DMD: variants seen among roughly 807,000 people sequenced by gnomAD.
DMD encodes dystrophin.
Under a neutral mutation model 330.1 loss-of-function variants are expected in DMD, and 63 were observed. The observed-to-expected ratio is 0.19, with a 90% CI of 0.16 to 0.24. The LOEUF is 0.24. Ranked by LOEUF, DMD falls within the 10% of genes least tolerant of loss-of-function variation. The pLI is 1.00. For missense variants in DMD, 3,344 were observed against 2,684.1 expected (o/e 1.25, Z -5.43); for synonymous variants, 1,223 against 959.8 (o/e 1.27, Z -5.07).
chrX:31,602,057 G>A (rs192404617), intron 55 of DMD, among the ~76,000 whole-genome samples: 2 of 111,460 alleles, frequency 1.8e-5, no homozygotes, highest in Admixed American at 1.9e-4. Context: ...CCTTAGATGA[G>A]GTTTACACAT....
At chrX:33,228,577 C>G (rs1304081327) in intron 1 of DMD, among the ~76,000 whole-genome samples, 2 of 109,444 alleles carry the variant, frequency 1.8e-5, no homozygotes, top group Admixed American at 2.0e-4. Flanking sequence ...GGTTGGTTAG[C>G]AAAAATATAA....
intron 48 of DMD, among the ~76,000 whole-genome samples, chrX:31,840,549 C>CTTTTT (rs1207207240): frequency 6.5e-5 from 5 of 76,360 alleles, no homozygotes; most frequent in East Asian, 4.3e-4. Flanking sequence ...GCAGATACTG[C>CTTTTT]TTTTTTTTTT....
chrX:32,043,205 A>T (rs977951877), intron 44 of DMD, among the ~76,000 whole-genome samples: 2 of 111,374 alleles, frequency 1.8e-5, no homozygotes, highest in Admixed American at 1.9e-4. Context: ...CATTGAAAGA[A>T]AAAACTTAAA....
intron 2 of DMD, among the ~76,000 whole-genome samples, chrX:32,981,850 A>G (rs1465087150): frequency 1.8e-5 from 2 of 111,555 alleles, no homozygotes; most frequent in Non-Finnish European, 3.8e-5. Flanking sequence ...TGCTGGAAAT[A>G]AAAAATAAAG....
intron 34 of DMD, among the ~76,000 whole-genome samples, chrX:32,368,211 A>G (rs73462093): frequency 0.027 from 2,969 of 111,984 alleles, 49 homozygotes; most frequent in South Asian, 0.077. Context: ...TCACTGCCAG[A>G]GATGAGGAAT....
chrX:32,498,784 CAT>C (rs1358750490), intron 19 of DMD, among the ~76,000 whole-genome samples: 8 of 111,755 alleles, frequency 7.2e-5, no homozygotes, highest in African/African-American at 2.6e-4. Context: ...AAAAACTGTA[CAT>C]ATGTTACTAG....
chrX:32,061,794 G>A (rs374827439), intron 44 of DMD, among the ~76,000 whole-genome samples: 8 of 111,153 alleles, frequency 7.2e-5, no homozygotes, highest in East Asian at 2.9e-4. Flanking sequence ...GCAACACCAC[G>A]AAAGATTGTT....
At chrX:32,149,324 A>G (rs758900383) in intron 44 of DMD, among the ~76,000 whole-genome samples, 12 of 112,021 alleles carry the variant, frequency 1.1e-4, no homozygotes, top group African/African-American at 3.9e-4. Flanking sequence ...TTATGCACCG[A>G]AAATGAAACA....
chrX:31,310,225 A>ATATGTG (rs1556481824), intron 62 of DMD, among the ~76,000 whole-genome samples: 2 of 89,305 alleles, frequency 2.2e-5, no homozygotes, highest in African/African-American at 9.4e-5. Flanking sequence ...ATATATATAT[A>ATATGTG]TGTGTGTGTG....
At chrX:32,662,302 T>A (rs1251435754) in intron 9 of DMD, among the ~76,000 whole-genome samples, 1 of 111,433 alleles carries the variant, frequency 9.0e-6, no homozygotes, top group East Asian at 2.8e-4. Context: ...TTCAAAAACC[T>A]TAACATAAAG....
chrX:31,886,669 G>A (rs1248357824), intron 47 of DMD, among the ~76,000 whole-genome samples: 1 of 111,660 alleles, frequency 9.0e-6, no homozygotes, highest in Non-Finnish European at 1.9e-5. Flanking sequence ...CAGAAATTGT[G>A]TGGTGAATTG....
chrX:33,278,971 TG>T (rs955990273), intron 1 of DMD, among the ~76,000 whole-genome samples: 3 of 111,399 alleles, frequency 2.7e-5, no homozygotes, highest in African/African-American at 9.8e-5. Flanking sequence ...ACAGTAATAA[TG>T]GGGGACTTCA....
At position 32,069,368 on chromosome X, in the gene DMD, GTAA is replaced by G. The variant is rs1276795029; in HGVS notation, c.6439-100857_6439-100855del. ...AGGAAGAATGTCAGATTTTTAAAAG[GTAA>G]TAATAATTATTTTATAGGTAAAAAT... is the stretch of plus-strand genomic sequence containing the variant. On this transcript the variant is annotated intron_variant, in intron 44 of 78. Coordinates refer to ENST00000357033, the MANE Select transcript of DMD (RefSeq NM_004006.3). 3.6e-5 allele frequency among the ~76,000 whole-genome samples: 4 copies of G among 111,117 alleles called. No homozygotes were observed. In the East Asian group the frequency reaches 8.5e-4, roughly 24 times the overall value.
intron 19 of DMD, among the ~76,000 whole-genome samples, chrX:32,492,254 C>T (rs766261480): frequency 2.8e-4 from 31 of 111,937 alleles, no homozygotes; most frequent in Non-Finnish European, 4.0e-4. Context: ...AGGAGAATGG[C>T]GTGAACCCGG....
At chrX:32,866,796 T>A (rs12687512) in intron 2 of DMD, among the ~76,000 whole-genome samples, 1 of 100,647 alleles carries the variant, frequency 9.9e-6, no homozygotes, top group Admixed American at 1.1e-4. Flanking sequence ...CGCAGTGGTG[T>A]GGTCTCAGCT....
chrX:33,080,531 G>T (rs2094911774), intron 1 of DMD, among the ~76,000 whole-genome samples: 1 of 111,390 alleles, frequency 9.0e-6, no homozygotes, highest in Non-Finnish European at 1.9e-5. Flanking sequence ...TTAACTCTTA[G>T]CAACTTTGAT....
At chrX:31,416,656 G>T (rs2061886489) in intron 60 of DMD, among the ~76,000 whole-genome samples, 1 of 112,366 alleles carries the variant, frequency 8.9e-6, no homozygotes, top group South Asian at 3.7e-4. Context: ...GTTGGTTAAC[G>T]ACATGATTGC....
At chrX:31,300,247 G>C (rs1162670022) in intron 62 of DMD, among the ~76,000 whole-genome samples, 1 of 112,263 alleles carries the variant, frequency 8.9e-6, no homozygotes, top group Non-Finnish European at 1.9e-5. Flanking sequence ...GCTGGATATG[G>C]AAGGTGCAAC....
intron 1 of DMD, among the ~76,000 whole-genome samples, chrX:33,320,433 A>G (rs1327476105): frequency 9.8e-5 from 11 of 112,341 alleles, no homozygotes; most frequent in African/African-American, 3.2e-4. Context: ...CAGTGTATAT[A>G]AAAGTTATAT....
Sources: gnomAD v4.1 joint callset for allele counts (sites outside exome capture counted in the v4.1 genomes callset) on GRCh38, gnomAD v4.1.1 for gene constraint, MANE v1.5 for transcripts, NCBI Gene and HGNC (gene_info 2026-07-23, HGNC 2026-07-21) for gene names.